The following CEACAM20 variants were observed in gnomAD, a reference collection of about 807,000 sequenced individuals.
CEACAM20 encodes the protein cell adhesion molecule CEACAM20.
CEACAM20 carries 50 observed loss-of-function variants against 61.2 expected under a neutral mutation model. The observed-to-expected ratio is 0.82, with a 90% CI of 0.65 to 1.03. The LOEUF is 1.03. Ranked by LOEUF, CEACAM20 falls within the 50% of genes least tolerant of loss-of-function variation. The pLI, the probability that CEACAM20 is intolerant of heterozygous loss-of-function variation, is 0.00. For missense variants in CEACAM20, 683 were observed against 736.4 expected (o/e 0.93, Z 0.84); for synonymous variants, 282 against 287.7 (o/e 0.98, Z 0.20).
chr19:44,522,358 C>T lies in CEACAM20; in HGVS notation c.751+276G>A, dbSNP rs552747906. Among the ~76,000 whole-genome samples the T allele has an allele frequency of 3.3e-5, 5 of 152,254 alleles. No individual in the cohort carries two copies. In the South Asian group the frequency reaches 6.2e-4, roughly 19 times the overall value. On this transcript the variant is annotated intron_variant, in intron 4 of 11. Transcript: ENST00000614924. ...AACCTCGTGATCTGCCCACCTCGGC[C>T]TCCCAAAGTGCTGGGATTACAGGCG...
At chr19:44,523,408 CAAAT>C (rs1221998250) in intron 3 of CEACAM20, among the ~76,000 whole-genome samples, 6 of 124,334 alleles carry the variant, frequency 4.8e-5, no homozygotes, top group East Asian at 2.9e-4. Context: ...AATCTTGTCT[CAAAT>C]GAATGAATGA....
At chr19:44,506,259 C>G in intron 11 of CEACAM20, 45 bp from the exon 12 acceptor site, 2 of 1,562,712 alleles carry the variant, frequency 1.3e-6, no homozygotes, top group Non-Finnish European at 1.8e-6. Flanking sequence ...CTAGGTGGAC[C>G]CTCCCAGTCT....
rs752176705 is a variant in CEACAM20, at chr19:44,524,168, A to G, written c.290T>C (p.Ile97Thr). The change falls in exon 3 of 12, where the codon ATT (isoleucine) becomes ACT (threonine). Residue 97 changes from isoleucine (I) to threonine (T), a missense_variant. By Grantham distance (89) the Ile-to-Thr change is moderately conservative. Transcript: ENST00000614924. Reference sequence around the variant, plus strand: ...GTTGTTGGAAACCCAGTGGATGGTAATGTTGACGTCCTTAGTGGTGCAGTA... The same window carrying G: ...GTTGTTGGAAACCCAGTGGATGGTAGTGTTGACGTCCTTAGTGGTGCAGTA... ...TFYCTTKDVN[I>T]TIHWVSNNLS... 1 of 1,613,966 alleles carries G rather than the reference A, an allele frequency of 6.2e-7. No individual in the cohort carries two copies.
At chr19:44,529,315 C>G (rs1376063261) in intron 1 of CEACAM20, 143 bp downstream of exon 1, 1 of 726,556 alleles carries the variant, frequency 1.4e-6, no homozygotes, top group Non-Finnish European at 2.4e-6. Flanking sequence ...CTCTGTGTCT[C>G]TATTTTTTTT....
intron 1 of CEACAM20, among the ~76,000 whole-genome samples, chr19:44,528,460 G>A (rs1419290534): frequency 5.3e-5 from 8 of 152,186 alleles, no homozygotes; most frequent in South Asian, 2.1e-4. Flanking sequence ...TCCTGACTGC[G>A]TGATCCACCC....
At position 44,511,666 on chromosome 19, in the gene CEACAM20, G is replaced by T; in HGVS notation, c.1582C>A (p.Pro528Thr). 6.2e-7 allele frequency: 1 copy of T among 1,612,826 alleles called. No individual in the cohort carries two copies. The change falls in exon 10 of 12, where the codon CCA (proline) becomes ACA (threonine). Residue 528 changes from proline to threonine, a missense_variant. Transcript: ENST00000614924. ...QGRIRVELMQ[P>T]PDLPEETYET... is the part of the protein sequence containing the mutation. ...TAGGTCTCCTCTGGAAGGTCTGGTG[G>T]TTGCATCTGGGGAAAAACAAAGTTG... is the stretch of plus-strand genomic sequence containing the variant.
chr19:44,529,491 A>G lies in CEACAM20; in HGVS notation c.19T>C (p.Trp7Arg), dbSNP rs765172399. ...AGGATTCCCATCCAGTGGTGTCCCC[A>G]TGAGTCAGCAGGCCCCATGGGTCCC... is the stretch of plus-strand genomic sequence containing the variant. MGPADS[W>R]GHHWMGILLS... The change falls in exon 1 of 12, where the codon TGG (tryptophan) becomes CGG (arginine). Residue 7 changes from tryptophan to arginine, a missense_variant. Coordinates refer to ENST00000614924, the MANE Select transcript of CEACAM20 (RefSeq NM_001102597.3). 10 of 1,613,722 alleles carry G rather than the reference A, an allele frequency of 6.2e-6. No individual in the cohort carries two copies. Among genetic ancestry groups the G allele is most frequent in the Non-Finnish European group, 8.5e-6 (10 of 1,179,834 alleles).
At chr19:44,510,597 AAAGAAAGAAAGAAAAAGG>A (rs1296615002) in intron 11 of CEACAM20, among the ~76,000 whole-genome samples, 3 of 69,004 alleles carry the variant, frequency 4.3e-5, no homozygotes, top group East Asian at 7.4e-4. Flanking sequence ...AGAAAGAAAG[AAAGAAAGAAAGAAAAAGG>A]AAGGAAGGAA....
chr19:44,517,432 G>A (rs1391370702), intron 5 of CEACAM20, among the ~76,000 whole-genome samples: 1 of 152,114 alleles, frequency 6.6e-6, no homozygotes, highest in African/African-American at 2.4e-5. Flanking sequence ...GGTGGCTCAT[G>A]CCTGTAATTA....
At chr19:44,511,571 A>G in intron 10 of CEACAM20, 66 bp downstream of exon 10, 2 of 1,447,364 alleles carry the variant, frequency 1.4e-6, no homozygotes, top group Non-Finnish European at 1.9e-6. Context: ...GGCTTATCAC[A>G]TATAAAATTT....
intron 6 of CEACAM20, among the ~76,000 whole-genome samples, chr19:44,513,710 G>A (rs1211948971): frequency 1.3e-5 from 2 of 151,942 alleles, no homozygotes; most frequent in African/African-American, 4.8e-5. Flanking sequence ...CAAAGTGCTG[G>A]GATTATAGGT....
rs186829998 is a variant in CEACAM20, at chr19:44,509,844, A to C, written c.1737+1186T>G. On this transcript the variant is annotated intron_variant, in intron 11 of 11. Coordinates refer to ENST00000614924, the MANE Select transcript of CEACAM20 (RefSeq NM_001102597.3). ...AGAAATATAAAGAATAAGAACTGGA[A>C]TGTAGTGGAATGAAGTGAAAACCAA... is the stretch of plus-strand genomic sequence containing the variant. Among the ~76,000 whole-genome samples, 8 of 152,308 alleles carry C rather than the reference A, an allele frequency of 5.3e-5. No homozygotes were observed. The East Asian group carries it at 1.2e-3, about 22-fold the overall frequency.
chr19:44,526,434 G>A (rs943569281), intron 1 of CEACAM20, among the ~76,000 whole-genome samples: 2 of 152,058 alleles, frequency 1.3e-5, no homozygotes, highest in African/African-American at 4.8e-5. Flanking sequence ...GAGCCTGGGA[G>A]TTTGAGGCTG....
At chr19:44,517,718 A>G (rs912875015) in intron 5 of CEACAM20, among the ~76,000 whole-genome samples, 6 of 151,484 alleles carry the variant, frequency 4.0e-5, no homozygotes, top group South Asian at 2.1e-4. Flanking sequence ...AAAAAGAAAA[A>G]AAACTGCCTT....
At chr19:44,509,610 T>G (rs1445197326) in intron 11 of CEACAM20, among the ~76,000 whole-genome samples, 1 of 151,468 alleles carries the variant, frequency 6.6e-6, no homozygotes, top group African/African-American at 2.4e-5. Context: ...AGGGAGAGGA[T>G]GAAGTGAGAA....
At chr19:44,522,530 A>T in intron 4 of CEACAM20, 104 bp downstream of exon 4, 1 of 1,235,788 alleles carries the variant, frequency 8.1e-7, no homozygotes. Flanking sequence ...TCTCCCTCAC[A>T]CAGTATCCAA....
chr19:44,510,928 T>G, intron 11 of CEACAM20, 102 bp downstream of exon 11: 2 of 1,417,070 alleles, frequency 1.4e-6, no homozygotes, highest in Admixed American at 4.7e-5. Flanking sequence ...TAAAGGGAAA[T>G]TTTTCTTCAT....
chr19:44,528,246 T>C (rs1178902769), intron 1 of CEACAM20, among the ~76,000 whole-genome samples: 1 of 151,312 alleles, frequency 6.6e-6, no homozygotes, highest in Non-Finnish European at 1.5e-5. Context: ...TTTTCTTTTT[T>C]TTGACAGAGT....
intron 11 of CEACAM20, among the ~76,000 whole-genome samples, chr19:44,507,700 T>G (rs1483779481): frequency 6.6e-6 from 1 of 152,198 alleles, no homozygotes; most frequent in Non-Finnish European, 1.5e-5. Flanking sequence ...GGGTTTAACT[T>G]TCTTAACATT....
Sources: gnomAD v4.1 joint callset for allele counts (sites outside exome capture counted in the v4.1 genomes callset) on GRCh38, gnomAD v4.1.1 for gene constraint, MANE v1.5 for transcripts, NCBI Gene and HGNC (gene_info 2026-07-23, HGNC 2026-07-21) for gene names.